The following SPAG16 variants were observed in gnomAD, a reference collection of about 807,000 sequenced individuals.
SPAG16 encodes the protein sperm-associated antigen 16 protein.
In SPAG16, 86 loss-of-function variants were observed where a neutral mutation model predicts 80.4. The observed-to-expected ratio is 1.07, with a 90% CI of 0.90 to 1.28. The LOEUF (loss-of-function observed/expected upper bound fraction) is 1.28, where lower values mean the gene tolerates loss of function less well. Ranked by LOEUF, SPAG16 falls within the 50% of genes most tolerant of loss-of-function variation. SPAG16 has a pLI of 0.00. For synonymous variants in SPAG16, 294 were observed against 265.9 expected (o/e 1.11, Z -1.03); for missense variants, 870 against 765.3 (o/e 1.14, Z -1.61).
intron 15 of SPAG16, among the ~76,000 whole-genome samples, chr2:214,256,021 A>G (rs1559159399): frequency 6.6e-6 from 1 of 151,922 alleles, no homozygotes. Flanking sequence ...GTTTAAAATG[A>G]TCTCATAACT....
intron 15 of SPAG16, among the ~76,000 whole-genome samples, chr2:214,288,590 T>G (rs1370117104): frequency 6.6e-6 from 1 of 152,060 alleles, no homozygotes. Context: ...CAGCATCTAT[T>G]AAATTTTTTT....
At chr2:213,392,815 C>T (rs1014056106) in intron 9 of SPAG16, among the ~76,000 whole-genome samples, 5 of 151,612 alleles carry the variant, frequency 3.3e-5, no homozygotes, top group African/African-American at 1.2e-4. Flanking sequence ...TACTGCACTC[C>T]ATCCTGGGTG....
intron 13 of SPAG16, among the ~76,000 whole-genome samples, chr2:214,069,231 T>G (rs2125217301): frequency 6.6e-6 from 1 of 152,304 alleles, no homozygotes; most frequent in South Asian, 2.1e-4. Context: ...TGTATATTGT[T>G]AAGCTGCTAA....
chr2:214,059,839 A>G (rs1361616186), intron 13 of SPAG16, among the ~76,000 whole-genome samples: 2 of 151,986 alleles, frequency 1.3e-5, no homozygotes, highest in Non-Finnish European at 1.5e-5. Context: ...CTTTCAGTGG[A>G]GGATGGTGAA....
intron 11 of SPAG16, among the ~76,000 whole-genome samples, chr2:213,913,076 A>C (rs1398491854): frequency 2.0e-5 from 3 of 152,140 alleles, no homozygotes; most frequent in African/African-American, 7.2e-5. Flanking sequence ...TCACATATAT[A>C]ATGATATATA....
At chr2:213,602,226 ATGTC>A (rs2061092477) in intron 10 of SPAG16, among the ~76,000 whole-genome samples, 1 of 152,236 alleles carries the variant, frequency 6.6e-6, no homozygotes, top group African/African-American at 2.4e-5. Context: ...ACACTCTATG[ATGTC>A]TGCACAATGA....
chr2:213,904,042 T>C (rs1216805822), intron 11 of SPAG16, among the ~76,000 whole-genome samples: 1 of 152,194 alleles, frequency 6.6e-6, no homozygotes, highest in Non-Finnish European at 1.5e-5. Context: ...TCCATATCAC[T>C]ATCAGGCTTT....
intron 10 of SPAG16, among the ~76,000 whole-genome samples, chr2:213,788,122 C>A (rs2070457047): frequency 6.6e-6 from 1 of 151,908 alleles, no homozygotes; most frequent in Admixed American, 6.6e-5. Flanking sequence ...CAGTTTCGAT[C>A]ACTCATTCTA....
intron 15 of SPAG16, among the ~76,000 whole-genome samples, chr2:214,370,153 G>A (rs1699721088): frequency 6.6e-6 from 1 of 151,990 alleles, no homozygotes; most frequent in Non-Finnish European, 1.5e-5. Flanking sequence ...AGTTTCCTGA[G>A]TAACCTTGTT....
At chr2:213,322,996 A>C (rs1217375496) in intron 5 of SPAG16, among the ~76,000 whole-genome samples, 1 of 152,208 alleles carries the variant, frequency 6.6e-6, no homozygotes, top group Non-Finnish European at 1.5e-5. Context: ...TTTTTCCCCC[A>C]GGTGGCATGT....
intron 14 of SPAG16, among the ~76,000 whole-genome samples, chr2:214,113,725 A>G (rs2053791156): frequency 6.6e-6 from 1 of 152,130 alleles, no homozygotes; most frequent in Non-Finnish European, 1.5e-5. Context: ...CATTCATCTA[A>G]TCTTTTTTCA....
intron 15 of SPAG16, among the ~76,000 whole-genome samples, chr2:214,164,821 G>A (rs866080772): frequency 3.3e-5 from 5 of 152,084 alleles, no homozygotes; most frequent in Admixed American, 2.0e-4. Context: ...CTAAAGACAT[G>A]GTGGGACTTA....
chr2:213,918,246 C>G (rs1008443894), intron 11 of SPAG16, among the ~76,000 whole-genome samples: 44 of 152,186 alleles, frequency 2.9e-4, no homozygotes, highest in African/African-American at 1.0e-3. Flanking sequence ...TGTTGTATCT[C>G]TGACATGTTT....
At chr2:214,086,679 C>T (rs890239802) in intron 13 of SPAG16, among the ~76,000 whole-genome samples, 16 of 152,110 alleles carry the variant, frequency 1.1e-4, no homozygotes, top group Non-Finnish European at 2.2e-4. Context: ...TTATAAATTA[C>T]CCAGTCTCCA....
chr2:214,345,538 A>G (rs1196583761), intron 15 of SPAG16, among the ~76,000 whole-genome samples: 4 of 152,082 alleles, frequency 2.6e-5, no homozygotes, highest in African/African-American at 9.7e-5. Context: ...TATCTGCTCT[A>G]TTTAAAAAGA....
At chr2:214,365,702 A>G (rs1699435238) in intron 15 of SPAG16, among the ~76,000 whole-genome samples, 1 of 152,240 alleles carries the variant, frequency 6.6e-6, no homozygotes, top group African/African-American at 2.4e-5. Context: ...AAATACATTA[A>G]TTTTCCCTGC....
chr2:214,228,653 C>T (rs115166135), intron 15 of SPAG16, among the ~76,000 whole-genome samples: 3 of 151,806 alleles, frequency 2.0e-5, no homozygotes, highest in Non-Finnish European at 4.4e-5. Context: ...ATCAGAAAGT[C>T]TGCAATTAGG....
At chr2:213,573,701 A>G (rs1348291378) in intron 10 of SPAG16, among the ~76,000 whole-genome samples, 1 of 152,118 alleles carries the variant, frequency 6.6e-6, no homozygotes, top group East Asian at 1.9e-4. Context: ...GATTTCTTCT[A>G]CTATTTTTGG....
intron 15 of SPAG16, among the ~76,000 whole-genome samples, chr2:214,258,116 G>T (rs1477133357): frequency 6.6e-6 from 1 of 151,866 alleles, no homozygotes; most frequent in African/African-American, 2.4e-5. Context: ...ATTTCAGTAG[G>T]TTTGGGAGAA....
Sources: gnomAD v4.1 joint callset for allele counts (sites outside exome capture counted in the v4.1 genomes callset) on GRCh38, gnomAD v4.1.1 for gene constraint, MANE v1.5 for transcripts, NCBI Gene and HGNC (gene_info 2026-07-23, HGNC 2026-07-21) for gene names.